The following SLC49A4 variants were observed in gnomAD, a reference collection of about 807,000 sequenced individuals.
The protein encoded by SLC49A4 is solute carrier family 49 member 4.
A neutral mutation model predicts 50.6 loss-of-function variants in SLC49A4; 36 were observed. That is an observed-to-expected ratio of 0.71 (90% CI 0.55 to 0.94). The LOEUF (loss-of-function observed/expected upper bound fraction) is 0.94. Ranked by LOEUF, SLC49A4 falls within the 40% of genes least tolerant of loss-of-function variation. The pLI is 0.00. For synonymous variants in SLC49A4, 248 were observed against 241.2 expected (o/e 1.03, Z -0.26); for missense variants, 503 against 605.7 (o/e 0.83, Z 1.78).
intron 1 of SLC49A4, among the ~76,000 whole-genome samples, chr3:122,805,503 G>GA (rs5852315): frequency 0.58 from 87,759 of 151,716 alleles, 26,058 homozygotes; most frequent in Non-Finnish European, 0.66. Flanking sequence ...CAAAAAGAGA[G>GA]GAGAGAGCCC....
At chr3:122,841,111 TTTAA>T (rs1373785964) in intron 4 of SLC49A4, among the ~76,000 whole-genome samples, 29 of 152,352 alleles carry the variant, frequency 1.9e-4, no homozygotes, top group Middle Eastern at 3.4e-3. Context: ...TCATTGGACA[TTTAA>T]TTCTGATTTC....
At chr3:122,802,067 C>G (rs1485789270) in intron 1 of SLC49A4, among the ~76,000 whole-genome samples, 1 of 152,100 alleles carries the variant, frequency 6.6e-6, no homozygotes, top group African/African-American at 2.4e-5. Flanking sequence ...ATCCCAGCTA[C>G]TGGGGAGGCT....
At chr3:122,830,846 C>A (rs1936598306) in intron 3 of SLC49A4, among the ~76,000 whole-genome samples, 1 of 152,060 alleles carries the variant, frequency 6.6e-6, no homozygotes, top group African/African-American at 2.4e-5. Flanking sequence ...AAAAGACAGT[C>A]CACAGAATGG....
At chr3:122,816,241 T>C (rs1444230318) in intron 2 of SLC49A4, among the ~76,000 whole-genome samples, 1 of 152,182 alleles carries the variant, frequency 6.6e-6, no homozygotes, top group African/African-American at 2.4e-5. Context: ...GGCTTCAAAT[T>C]TCTGGATTCT....
At chr3:122,796,553 C>CT (rs1256657129) in intron 1 of SLC49A4, among the ~76,000 whole-genome samples, 2 of 152,166 alleles carry the variant, frequency 1.3e-5, no homozygotes, top group African/African-American at 4.8e-5. Context: ...GGCCTGCTTC[C>CT]TACACAGTGG....
chr3:122,809,072 A>T (rs1458089552), intron 2 of SLC49A4, among the ~76,000 whole-genome samples: 1 of 152,168 alleles, frequency 6.6e-6, no homozygotes, highest in Non-Finnish European at 1.5e-5. Context: ...CAGATGGGGA[A>T]CACAGAAGTG....
intron 2 of SLC49A4, among the ~76,000 whole-genome samples, chr3:122,811,700 T>C (rs1335872279): frequency 6.6e-6 from 1 of 152,222 alleles, no homozygotes; most frequent in African/African-American, 2.4e-5. Flanking sequence ...GGATGCAGTA[T>C]ATCATGGAAT....
chr3:122,832,782 C>A (rs1407837223), intron 3 of SLC49A4, among the ~76,000 whole-genome samples: 1 of 152,072 alleles, frequency 6.6e-6, no homozygotes, highest in Non-Finnish European at 1.5e-5. Flanking sequence ...GTTAGTATAA[C>A]CTCTTTACCA....
chr3:122,868,461 A>C (rs778749583), intron 7 of SLC49A4, among the ~76,000 whole-genome samples: 2 of 152,176 alleles, frequency 1.3e-5, no homozygotes, highest in Non-Finnish European at 2.9e-5. Context: ...CTTAATGATC[A>C]TGTAGTTTGA....
At position 122,812,163 on chromosome 3, in the gene SLC49A4, C is replaced by A. The variant is rs563920687; in HGVS notation, c.437+5213C>A. On this transcript the variant is annotated intron_variant, in intron 2 of 8. Transcript: ENST00000261038. ...TAGAGACAGAGTCCCAATATTTTGC[C>A]TGAGTTGGTCTCAAATTCTGGGTGC... 5.9e-5 allele frequency among the ~76,000 whole-genome samples: 9 copies of A among 152,242 alleles called. No individual in the cohort carries two copies. In the South Asian group the frequency reaches 1.9e-3, roughly 32 times the overall value.
intron 7 of SLC49A4, among the ~76,000 whole-genome samples, chr3:122,867,683 T>G (rs1036772182): frequency 1.3e-5 from 2 of 152,260 alleles, no homozygotes; most frequent in African/African-American, 4.8e-5. Flanking sequence ...TAACTTTAGT[T>G]AATAAAAATG....
chr3:122,832,567 G>A (rs969292179), intron 3 of SLC49A4, among the ~76,000 whole-genome samples: 2 of 151,952 alleles, frequency 1.3e-5, no homozygotes, highest in Non-Finnish European at 2.9e-5. Flanking sequence ...ATCCTATTAT[G>A]AATCAAACAA....
chr3:122,866,220 T>G (rs547597918), intron 7 of SLC49A4, among the ~76,000 whole-genome samples: 2 of 151,396 alleles, frequency 1.3e-5, no homozygotes, highest in Non-Finnish European at 3.0e-5. Context: ...TTTTTTTTTT[T>G]TTGTAGAGAT....
intron 2 of SLC49A4, among the ~76,000 whole-genome samples, chr3:122,816,586 G>A (rs1936370147): frequency 6.6e-6 from 1 of 152,170 alleles, no homozygotes; most frequent in Non-Finnish European, 1.5e-5. Flanking sequence ...TTGCTATAAT[G>A]AGGAGATCTC....
chr3:122,864,857 T>TA (rs1422390779), intron 7 of SLC49A4, among the ~76,000 whole-genome samples: 1 of 151,848 alleles, frequency 6.6e-6, no homozygotes, highest in East Asian at 1.9e-4. Flanking sequence ...CTACAAAAAA[T>TA]AAAAAAATTA....
chr3:122,854,753 C>T lies in SLC49A4; in HGVS notation c.943-1554C>T, dbSNP rs957414946. ...TAAGTACCCAGGTAGAAGAAGAAAT[C>T]GTTTGGTGGACAGCTGGCAATCCCT... On this transcript the variant is annotated intron_variant, in intron 5 of 8. Transcript: ENST00000261038. Among the ~76,000 whole-genome samples, 9 of 152,174 alleles carry T rather than the reference C, an allele frequency of 5.9e-5. 1 individual carries two copies. The highest frequency in any genetic ancestry group is 4.1e-4 in the South Asian group (2 of 4,834).
chr3:122,837,095 A>T (rs1250806180), intron 4 of SLC49A4, among the ~76,000 whole-genome samples: 2 of 152,230 alleles, frequency 1.3e-5, no homozygotes, highest in Non-Finnish European at 2.9e-5. Context: ...TTCCATGCTC[A>T]TGGGTTGGAA....
rs1474904772 is a variant in SLC49A4, at chr3:122,870,013, T to G, written c.1139-2402T>G. 4.6e-5 allele frequency among the ~76,000 whole-genome samples: 7 copies of G among 150,796 alleles called. No homozygotes were observed. In the East Asian group the frequency reaches 1.4e-3, roughly 29 times the overall value. On this transcript the variant is annotated intron_variant, in intron 7 of 8. Coordinates refer to ENST00000261038, the MANE Select transcript of SLC49A4 (RefSeq NM_032839.3). ...AGTTCCCTTTCAGTGTGTTATTATA[T>G]TTTCATTATTTTATCACATAGAATT... is the stretch of plus-strand genomic sequence containing the variant.
intron 1 of SLC49A4, among the ~76,000 whole-genome samples, chr3:122,805,145 G>A (rs1015111461): frequency 3.3e-5 from 5 of 151,968 alleles, no homozygotes; most frequent in Admixed American, 6.6e-5. Context: ...ATGTATGTAC[G>A]TTTCATTAAT....
Sources: allele counts gnomAD v4.1 joint callset (sites outside exome capture counted in the v4.1 genomes callset), GRCh38; gene constraint gnomAD v4.1.1; transcripts MANE v1.5; gene names NCBI Gene and HGNC (gene_info 2026-07-23, HGNC 2026-07-21).